The following THSD7A variants were observed in gnomAD, a reference collection of about 807,000 sequenced individuals.
The protein encoded by THSD7A is thrombospondin type-1 domain-containing protein 7A.
THSD7A carries 96 observed loss-of-function variants against 231.3 expected under a neutral mutation model. That is an observed-to-expected ratio of 0.41 (90% confidence interval 0.35 to 0.49). The LOEUF is 0.49. Ranked by LOEUF, THSD7A falls within the 20% of genes least tolerant of loss-of-function variation. The pLI is 0.05. For synonymous variants in THSD7A, 940 were observed against 743.3 expected (o/e 1.26, Z -4.30); for missense variants, 2,290 against 2,070.2 (o/e 1.11, Z -2.06).
chr7:11,411,393 C>T lies in THSD7A; in HGVS notation c.3683-71G>A, dbSNP rs781476205. ...CAGATTTCAAATGAAACTCTGATGA[C>T]CTGAATCCCATATTTAATTCACAAC... On this transcript the variant is annotated intron_variant, in intron 18 of 27. Transcript: ENST00000423059. The surrounding 1 kb of genome is among the most constrained non-coding windows in gnomAD (Gnocchi z 4.1). 1.8e-4 allele frequency: 186 copies of T among 1,016,702 alleles called. 2 individuals are homozygous for T. The highest frequency in any genetic ancestry group is 2.4e-5 in the Non-Finnish European group (16 of 669,456). 63.0% of individuals were successfully genotyped at this position (1,016,702 alleles called of 1,614,324 possible).
At chr7:11,445,910 C>T in intron 13 of THSD7A, 151 bp downstream of exon 13, 1 of 975,492 alleles carries the variant, frequency 1.0e-6, no homozygotes, top group Non-Finnish European at 1.5e-6. Flanking sequence ...TGTCCTGTTA[C>T]ATATAAATGA....
chr7:11,720,772 G>C (rs1041645017), intron 1 of THSD7A, among the ~76,000 whole-genome samples: 8 of 151,634 alleles, frequency 5.3e-5, no homozygotes, highest in Non-Finnish European at 1.2e-4. Context: ...TGAATGTTCA[G>C]CAGTGTTAGA....
At chr7:11,413,353 A>G (rs545077835) in intron 17 of THSD7A, among the ~76,000 whole-genome samples, 1 of 152,230 alleles carries the variant, frequency 6.6e-6, no homozygotes, top group South Asian at 2.1e-4. Flanking sequence ...TCTTGGCCAT[A>G]GGGACCACAG....
intron 6 of THSD7A, among the ~76,000 whole-genome samples, chr7:11,514,546 G>A (rs1049962754): frequency 2.0e-5 from 3 of 151,762 alleles, no homozygotes; most frequent in African/African-American, 7.3e-5. Context: ...GATCATGAGG[G>A]GTCTAGGAGT....
intron 4 of THSD7A, among the ~76,000 whole-genome samples, chr7:11,565,029 T>C (rs1205572690): frequency 1.3e-5 from 2 of 152,194 alleles, no homozygotes; most frequent in Non-Finnish European, 2.9e-5. Context: ...ACTGCAAATA[T>C]GGAGAGTCTG....
intron 6 of THSD7A, among the ~76,000 whole-genome samples, chr7:11,482,852 A>G (rs1439717868): frequency 1.3e-5 from 2 of 152,208 alleles, no homozygotes; most frequent in Non-Finnish European, 2.9e-5. Flanking sequence ...GAGATATATA[A>G]AAGGCCAATG....
chr7:11,402,460 G>C (rs1783439138), intron 22 of THSD7A, among the ~76,000 whole-genome samples: 13 of 152,164 alleles, frequency 8.5e-5, no homozygotes, highest in Admixed American at 8.5e-4. Flanking sequence ...GATGAGTGGA[G>C]GTGAGAGAGA....
chr7:11,453,846 G>T (rs1785220976), intron 11 of THSD7A, among the ~76,000 whole-genome samples: 1 of 151,980 alleles, frequency 6.6e-6, no homozygotes, highest in Non-Finnish European at 1.5e-5. Flanking sequence ...GTAAAGAAAA[G>T]AATAAACAAA....
intron 1 of THSD7A, among the ~76,000 whole-genome samples, chr7:11,804,749 G>C (rs1163417738): frequency 1.3e-5 from 2 of 152,136 alleles, no homozygotes; most frequent in African/African-American, 4.8e-5. Context: ...TAAATATTGT[G>C]ACTGAATTTT....
intron 1 of THSD7A, chr7:11,821,283 G>C (rs559259208): frequency 8.4e-6 from 8 of 949,368 alleles, no homozygotes; most frequent in Non-Finnish European, 1.4e-5. Context: ...GCTGGAAAAT[G>C]GAACGAAACT....
chr7:11,687,996 G>A (rs917304221), intron 1 of THSD7A, among the ~76,000 whole-genome samples: 3 of 151,048 alleles, frequency 2.0e-5, no homozygotes, highest in South Asian at 2.1e-4. Context: ...TGCCATGTTG[G>A]TGTGCTGCAC....
At chr7:11,548,147 T>TTAAA (rs1195501540) in intron 4 of THSD7A, among the ~76,000 whole-genome samples, 1 of 151,904 alleles carries the variant, frequency 6.6e-6, no homozygotes, top group Non-Finnish European at 1.5e-5. Context: ...GAAGATCCTA[T>TTAAA]TAAACACAGT....
At position 11,461,979 on chromosome 7, in the gene THSD7A, T is replaced by C. The variant is rs771320280; in HGVS notation, c.2501+32A>G. On this transcript the variant is annotated intron_variant, in intron 10 of 27. Transcript: ENST00000423059. ...TGTGGAGTTGACGTATTTGTTCAGC[T>C]CCTCCCTCACGATGCATTTCTCTAA... The C allele has an allele frequency of 1.9e-6, 3 of 1,606,912 alleles. No homozygotes were observed. In the African/African-American group the frequency reaches 4.0e-5, roughly 21 times the overall value.
At position 11,483,726 on chromosome 7, in the gene THSD7A, AT is replaced by A. The variant is rs139089905; in HGVS notation, c.1823-1745del. Among the ~76,000 whole-genome samples, 122 of 152,244 alleles carry A rather than the reference AT, an allele frequency of 8.0e-4. 2 individuals carry two copies. The East Asian group carries it at 0.021, about 26-fold the overall frequency. ...CTTCACTGCTGTCTTTTATTGTACC[AT>A]CTACCTTCTCTCACTTTTGTTTCCA... On this transcript the variant is annotated intron_variant, in intron 6 of 27. Transcript: ENST00000423059.
intron 1 of THSD7A, among the ~76,000 whole-genome samples, chr7:11,792,637 T>A (rs978728099): frequency 2.0e-5 from 3 of 151,874 alleles, no homozygotes; most frequent in Admixed American, 6.6e-5. Flanking sequence ...ATGATGAAGA[T>A]GTAATTCCAG....
At chr7:11,574,601 A>ATTTTT (rs78701752) in intron 4 of THSD7A, among the ~76,000 whole-genome samples, 2 of 140,034 alleles carry the variant, frequency 1.4e-5, no homozygotes, top group Admixed American at 1.4e-4. Context: ...CGCCCGGCTA[A>ATTTTT]TTTTTTTTTT....
chr7:11,677,063 G>C lies in THSD7A; in HGVS notation c.191-40102C>G, dbSNP rs190047549. ...AAGGAAGCCCATCAGACTAACATTGGATCTCTCTGCAGAAATCCTACAAGC... is the reference window on the plus strand; with the variant it reads ...AAGGAAGCCCATCAGACTAACATTGCATCTCTCTGCAGAAATCCTACAAGC... On this transcript the variant is annotated intron_variant, in intron 1 of 27. Transcript: ENST00000423059. Among the ~76,000 whole-genome samples, 46 of 152,288 alleles carry C rather than the reference G, an allele frequency of 3.0e-4. No individual in the cohort carries two copies. The East Asian group carries it at 7.9e-3, about 26-fold the overall frequency.
intron 7 of THSD7A, among the ~76,000 whole-genome samples, chr7:11,477,331 A>G (rs1199438614): frequency 6.6e-6 from 1 of 152,162 alleles, no homozygotes; most frequent in Non-Finnish European, 1.5e-5. Flanking sequence ...ACTAGATTCT[A>G]TATATGCATC....
chr7:11,478,565 G>C (rs377494729), intron 7 of THSD7A, among the ~76,000 whole-genome samples: 3 of 152,010 alleles, frequency 2.0e-5, no homozygotes, highest in African/African-American at 7.2e-5. Flanking sequence ...AGGAGAAAAA[G>C]AGCCTAGCAA....
Sources: gnomAD v4.1 joint callset for allele counts (sites outside exome capture counted in the v4.1 genomes callset) on GRCh38, gnomAD v4.1.1 for gene constraint, Gnocchi (gnomAD v3.1) non-coding constraint, MANE v1.5 for transcripts, NCBI Gene and HGNC (gene_info 2026-07-23, HGNC 2026-07-21) for gene names.